NLRC3: variants seen among roughly 807,000 people sequenced by gnomAD.
NLRC3 encodes the protein NLR family CARD domain containing 3.
A neutral mutation model predicts 91.6 loss-of-function variants in NLRC3; 87 were observed. The observed-to-expected ratio is 0.95, with a 90% CI of 0.80 to 1.14. The LOEUF (loss-of-function observed/expected upper bound fraction) is 1.14, where lower values mean the gene tolerates loss of function less well. NLRC3 is among the 50% of genes most tolerant of loss of function. NLRC3 has a pLI of 0.00. For missense variants in NLRC3, 1,577 were observed against 1,418.6 expected (o/e 1.11, Z -1.79); for synonymous variants, 694 against 625.3 (o/e 1.11, Z -1.64).
chr16:3,545,709 G>A (rs192084734), intron 15 of NLRC3: 30 of 152,346 alleles, frequency 2.0e-4, no homozygotes, highest in African/African-American at 7.0e-4. Flanking sequence ...AAGGCTCCCA[G>A]AAGAAATAGG....
intron 12 of NLRC3, 131 bp from the exon 13 acceptor site, chr16:3,549,356 G>A (rs2038875937): frequency 1.4e-6 from 1 of 724,500 alleles, no homozygotes; most frequent in Non-Finnish European, 2.4e-6. Context: ...GCATAGTCTG[G>A]GCTGAGGTGT....
At chr16:3,566,979 G>A (rs902306325) in intron 2 of NLRC3, among the ~76,000 whole-genome samples, 3 of 152,200 alleles carry the variant, frequency 2.0e-5, no homozygotes, top group African/African-American at 7.2e-5. Context: ...AGAAAACGCT[G>A]GTTCTCAGAG....
Position 3,554,100 on chromosome 16 carries a change from G to A in NLRC3, c.2267+142C>T, listed in dbSNP as rs551869275. 30 of 615,106 alleles carry A rather than the reference G, an allele frequency of 4.9e-5. No individual in the cohort carries two copies. The African/African-American group carries it at 5.3e-4, about 11-fold the overall frequency. The allele number at this position is 615,106 out of a possible 1,614,324, so 38.1% of individuals were successfully genotyped here. The stretch of plus-strand genomic sequence containing the variant: ...AACAGCTGCTCTCTCGAAAAGTAAT[G>A]GGCATCAGGGGCCATCCAGATGGGT... On this transcript the variant is annotated intron_variant, in intron 9 of 19. Transcript: ENST00000359128.
chr16:3,546,934 C>T (rs1321665449), intron 15 of NLRC3, among the ~76,000 whole-genome samples: 1 of 152,034 alleles, frequency 6.6e-6, no homozygotes, highest in African/African-American at 2.4e-5. Flanking sequence ...GAGGCCCAGA[C>T]AGAGGGGACA....
rs949159508 is a variant in NLRC3 at position 3,559,286 on chromosome 16, G to C, written c.2016-1610C>G. On this transcript the variant is annotated intron_variant, in intron 6 of 19. Coordinates refer to ENST00000359128, the MANE Select transcript of NLRC3 (RefSeq NM_178844.4). ...AGGTGAAATAGGGATGTGGCACTGA[G>C]GATCAACTACAGAGAGAGGTAAAGA... Among the ~76,000 whole-genome samples the C allele has an allele frequency of 2.0e-5, 3 of 152,200 alleles. No individual in the cohort carries two copies. The East Asian group carries it at 5.8e-4, about 29-fold the overall frequency.
Position 3,548,126 on chromosome 16 carries a change from C to T in NLRC3, c.2771+9G>A. 6.4e-7 allele frequency: 1 copy of T among 1,569,148 alleles called. No homozygotes were observed. ...CCCCGCCCTGCAGCCCCTGGGCAGGCCAACTTACTCTAAGCTGGTGAGGCT... is the reference window on the plus strand; with the variant it reads ...CCCCGCCCTGCAGCCCCTGGGCAGGTCAACTTACTCTAAGCTGGTGAGGCT... On this transcript the variant is annotated intron_variant, in intron 15 of 19. Coordinates refer to ENST00000359128, the MANE Select transcript of NLRC3 (RefSeq NM_178844.4).
chr16:3,559,764 G>A (rs1176559336), intron 6 of NLRC3, among the ~76,000 whole-genome samples: 1 of 150,642 alleles, frequency 6.6e-6, no homozygotes, highest in Non-Finnish European at 1.5e-5. Flanking sequence ...TCAGCCTCCT[G>A]AGTAGCAGGG....
At chr16:3,572,377 G>A (rs1249309844) in intron 1 of NLRC3, among the ~76,000 whole-genome samples, 1 of 151,828 alleles carries the variant, frequency 6.6e-6, no homozygotes, top group Non-Finnish European at 1.5e-5. Flanking sequence ...AGGGTTCACT[G>A]CAGCCTCAAC....
chr16:3,541,598 C>G lies in NLRC3; in HGVS notation c.*227G>C. The G allele has an allele frequency of 1.8e-6, 1 of 558,288 alleles. No homozygotes were observed. The highest frequency in any genetic ancestry group is 3.0e-5 in the East Asian group (1 of 33,784). 34.6% of individuals were successfully genotyped at this position (558,288 alleles called of 1,614,324 possible). A position where few individuals can be genotyped will look rare whatever the true frequency, so the allele number is the denominator to read the frequency against. On this transcript the variant is annotated 3_prime_UTR_variant, in exon 20 of 20. Coordinates refer to ENST00000359128, the MANE Select transcript of NLRC3 (RefSeq NM_178844.4). ...CCCTTGGGGGTGGCCCCTCCCTTCTCTGTGCCATAACAGAGTACCCGTCAC... is the reference window on the plus strand; with the variant it reads ...CCCTTGGGGGTGGCCCCTCCCTTCTGTGTGCCATAACAGAGTACCCGTCAC...
chr16:3,566,925 T>TA (rs2039906710), intron 2 of NLRC3, among the ~76,000 whole-genome samples: 1 of 151,838 alleles, frequency 6.6e-6, no homozygotes, highest in Non-Finnish European at 1.5e-5. Context: ...GCTTATTAAT[T>TA]AAAAAAAGGA....
chr16:3,552,337 A>G, intron 9 of NLRC3, 58 bp from the exon 10 acceptor site: 1 of 1,287,740 alleles, frequency 7.8e-7, no homozygotes, highest in South Asian at 1.2e-5. Context: ...TTCCCAGGCC[A>G]AGGACGGTTC....
intron 3 of NLRC3, 38 bp downstream of exon 3, chr16:3,565,281 C>T: frequency 1.5e-6 from 1 of 683,812 alleles, no homozygotes; most frequent in Non-Finnish European, 2.7e-6. Flanking sequence ...TGGATGATAA[C>T]TGGGGCCCTG....
In NLRC3 at chr16:3,564,504, C is replaced by A; in HGVS notation, c.433G>T (p.Gly145Trp). The A allele has an allele frequency of 6.2e-7, 1 of 1,612,424 alleles. No homozygotes were observed. ...SVPPRVSITI[G>W]VAGMGKTTLV... Reference sequence around the variant, plus strand: ...GTGGTCTTGCCCATGCCGGCCACCCCGATAGTGATGGAGACCCGGGGTGGG... The same window carrying A: ...GTGGTCTTGCCCATGCCGGCCACCCAGATAGTGATGGAGACCCGGGGTGGG... The change falls in exon 5 of 20, where the codon GGG (glycine) becomes TGG (tryptophan). Residue 145 changes from glycine to tryptophan, a missense_variant. Transcript: ENST00000359128. This position sits in a 1 kb window ranked among gnomAD's most constrained non-coding sequence, Gnocchi z 5.9.
At chr16:3,575,997 G>T (rs1423384943) in intron 1 of NLRC3, among the ~76,000 whole-genome samples, 1 of 152,168 alleles carries the variant, frequency 6.6e-6, no homozygotes, top group African/African-American at 2.4e-5. Flanking sequence ...AAGGAAGAAG[G>T]AAGTGGCACC....
chr16:3,574,335 C>G (rs1217525420), intron 1 of NLRC3, among the ~76,000 whole-genome samples: 4 of 152,102 alleles, frequency 2.6e-5, no homozygotes, highest in Non-Finnish European at 5.9e-5. Context: ...GCCTGACCAC[C>G]CAGAGATTTG....
chr16:3,563,970 A>C lies in NLRC3; in HGVS notation c.967T>G (p.Tyr323Asp). 1 of 1,603,648 alleles carries C rather than the reference A, an allele frequency of 6.2e-7. No homozygotes were observed. The highest frequency in any genetic ancestry group is 8.5e-7 in the Non-Finnish European group (1 of 1,177,736). The change falls in exon 5 of 20, where the codon TAC (tyrosine) becomes GAC (aspartate). Residue 323 changes from tyrosine to aspartate, a missense_variant. Transcript: ENST00000359128. ...LSQVQADRAL[Y>D]LMCTVPAFCR... ...AAGGCTGGGACGGTGCACATCAGGT[A>C]CAGGGCCCTGTCAGCCTGCACTTGG... is the stretch of plus-strand genomic sequence containing the variant.
intron 15 of NLRC3, chr16:3,544,671 G>GT (rs764452661): frequency 4.7e-4 from 124 of 262,294 alleles, no homozygotes; most frequent in Non-Finnish European, 8.5e-4. Flanking sequence ...AGCCATTCTT[G>GT]TTTGTCTTGT....
chr16:3,544,250 G>A lies in NLRC3; in HGVS notation c.2851C>T (p.Leu951Phe), dbSNP rs1223915270. ...ALKVNTALTA[L>F]YLQVASIGAS... ...CTGCGCACATCTAGGACTTACTAGA[G>A]AGCAGTGAGGGCTGTGTTGACCTTC... The change falls in exon 16 of 20, where the codon CTC (leucine) becomes TTC (phenylalanine). Residue 951 changes from leucine to phenylalanine, a missense_variant. By Grantham distance (22) the Leu-to-Phe change is conservative. Coordinates refer to ENST00000359128, the MANE Select transcript of NLRC3 (RefSeq NM_178844.4). The A allele has an allele frequency of 6.3e-7, 1 of 1,598,012 alleles. No homozygotes were observed. Among genetic ancestry groups the A allele is most frequent in the South Asian group, 1.1e-5 (1 of 90,786 alleles).
chr16:3,550,273 G>A (rs778110069), intron 11 of NLRC3, 141 bp downstream of exon 11: 21 of 620,306 alleles, frequency 3.4e-5, no homozygotes, highest in Non-Finnish European at 5.5e-5. Flanking sequence ...GTGGGGCAGG[G>A]GCTACTGAGG....
Sources: gnomAD v4.1 joint callset for allele counts (sites outside exome capture counted in the v4.1 genomes callset) on GRCh38, gnomAD v4.1.1 for gene constraint, Gnocchi (gnomAD v3.1) non-coding constraint, MANE v1.5 for transcripts, NCBI Gene and HGNC (gene_info 2026-07-23, HGNC 2026-07-21) for gene names.